FMN2: variants seen among roughly 807,000 people sequenced by gnomAD.
FMN2 encodes formin-2.
A neutral mutation model predicts 142.3 loss-of-function variants in FMN2; 51 were observed. The observed-to-expected ratio is 0.36, with a 90% CI of 0.29 to 0.45. The LOEUF (loss-of-function observed/expected upper bound fraction) is 0.45. Ranked by LOEUF, FMN2 falls within the 20% of genes least tolerant of loss-of-function variation. FMN2 has a pLI of 1.00. For missense variants in FMN2, 1,936 were observed against 2,122.8 expected (o/e 0.91, Z 1.73); for synonymous variants, 882 against 869.8 (o/e 1.01, Z -0.25).
At chr1:240,105,938 T>C (rs1336784392) in intron 1 of FMN2, among the ~76,000 whole-genome samples, 9 of 150,922 alleles carry the variant, frequency 6.0e-5, no homozygotes, top group Non-Finnish European at 1.3e-4. Context: ...GTGGCTTTCC[T>C]TTTAGCATTA....
At position 240,206,859 on chromosome 1, in the gene FMN2, A is replaced by G. The variant is rs1363473178; in HGVS notation, c.2047A>G (p.Ile683Val). The change falls in exon 5 of 18, where the codon ATT becomes GTT. Residue 683 changes from isoleucine (I) to valine (V), a missense_variant. This residue lies in a region of FMN2 where 478 missense variants were observed against 462.8 expected (regional missense o/e 1.03). Transcript: ENST00000319653. ...ATVIQQLEQT[I>V]EDLRTKIAEL... ...TGTAATTCAGCAGCTGGAACAGACTATTGAGGATCTGAGAACCAAAATAGC... is the reference window on the plus strand; with the variant it reads ...TGTAATTCAGCAGCTGGAACAGACTGTTGAGGATCTGAGAACCAAAATAGC... 5 of 1,614,184 alleles carry G rather than the reference A, an allele frequency of 3.1e-6. No individual in the cohort carries two copies. The highest frequency in any genetic ancestry group is 4.2e-6 in the Non-Finnish European group (5 of 1,180,008).
intron 6 of FMN2, among the ~76,000 whole-genome samples, chr1:240,251,160 G>A (rs550129262): frequency 1.3e-5 from 2 of 151,862 alleles, no homozygotes; most frequent in South Asian, 4.1e-4. Context: ...GATATACACT[G>A]TTAGATTGTT....
At chr1:240,217,607 T>A (rs1287942049) in intron 6 of FMN2, among the ~76,000 whole-genome samples, 2 of 152,140 alleles carry the variant, frequency 1.3e-5, no homozygotes, top group African/African-American at 4.8e-5. Flanking sequence ...AAACTATAAT[T>A]AGACAAGCAT....
intron 2 of FMN2, chr1:240,144,865 C>T (rs1426989276): frequency 9.8e-6 from 14 of 1,430,092 alleles, no homozygotes; most frequent in Admixed American, 3.4e-5. Context: ...CCAGCTCCTG[C>T]CACTCCTTAG....
At chr1:240,301,865 G>A (rs999018759) in intron 8 of FMN2, among the ~76,000 whole-genome samples, 16 of 151,702 alleles carry the variant, frequency 1.1e-4, no homozygotes, top group Non-Finnish European at 2.2e-4. Context: ...TTCTGATTGA[G>A]TTTGATGGAC....
chr1:240,154,018 G>A (rs561014508), intron 2 of FMN2, among the ~76,000 whole-genome samples: 63 of 146,624 alleles, frequency 4.3e-4, no homozygotes, highest in Middle Eastern at 3.5e-3. Context: ...CCGGAGGCAG[G>A]AGAATCTCTT....
At chr1:240,098,096 A>ATTTTTTTTTTTTTTTTT (rs1558293621) in intron 1 of FMN2, among the ~76,000 whole-genome samples, 48 of 81,220 alleles carry the variant, frequency 5.9e-4, no homozygotes, top group African/African-American at 3.4e-3. Flanking sequence ...GGTTATCTTG[A>ATTTTTTTTTTTTTTTTT]ATTTTTTTTT....
chr1:240,387,779 A>C, intron 14 of FMN2, among the ~76,000 whole-genome samples: 1 of 152,206 alleles, frequency 6.6e-6, no homozygotes, highest in South Asian at 2.1e-4. Flanking sequence ...TATTGCAAGC[A>C]ATGCATCTCC....
At chr1:240,312,522 T>C (rs1472990695) in intron 8 of FMN2, among the ~76,000 whole-genome samples, 1 of 152,204 alleles carries the variant, frequency 6.6e-6, no homozygotes, top group Non-Finnish European at 1.5e-5. Flanking sequence ...TTGTATCTCC[T>C]TGGCACATAG....
At chr1:240,465,087 A>ACC (rs755297051) in intron 16 of FMN2, among the ~76,000 whole-genome samples, 5 of 151,450 alleles carry the variant, frequency 3.3e-5, no homozygotes, top group African/African-American at 4.9e-5. Flanking sequence ...ATTTTAAGTC[A>ACC]CTGAGGTTAC....
At chr1:240,224,595 A>C (rs984469589) in intron 6 of FMN2, among the ~76,000 whole-genome samples, 2 of 152,132 alleles carry the variant, frequency 1.3e-5, no homozygotes, top group African/African-American at 2.4e-5. Flanking sequence ...GTGGGGTGTT[A>C]AAATCTCCCA....
At chr1:240,453,995 C>CAAAA (rs529425273) in intron 16 of FMN2, among the ~76,000 whole-genome samples, 1 of 7,498 alleles carries the variant, frequency 1.3e-4, no homozygotes, top group Non-Finnish European at 3.3e-4. Context: ...GACTCTGCCT[C>CAAAA]AAAAAAAAAA....
intron 1 of FMN2, among the ~76,000 whole-genome samples, chr1:240,107,525 GT>G (rs1661657959): frequency 6.6e-6 from 1 of 151,942 alleles, no homozygotes; most frequent in Non-Finnish European, 1.5e-5. Context: ...TCTTTCTATA[GT>G]TTTTCCCTTT....
intron 7 of FMN2, among the ~76,000 whole-genome samples, chr1:240,278,911 C>G (rs1298577741): frequency 3.9e-5 from 6 of 152,150 alleles, no homozygotes; most frequent in African/African-American, 1.4e-4. Context: ...CCTGGCCTGT[C>G]AAGCCAGTAG....
chr1:240,284,403 G>A (rs933594870), intron 7 of FMN2, among the ~76,000 whole-genome samples: 3 of 152,026 alleles, frequency 2.0e-5, no homozygotes, highest in African/African-American at 4.8e-5. Context: ...CCCTCATCTA[G>A]ACCCTGTGTT....
At chr1:240,325,984 T>G (rs1413520527) in intron 8 of FMN2, among the ~76,000 whole-genome samples, 2 of 152,040 alleles carry the variant, frequency 1.3e-5, no homozygotes, top group Non-Finnish European at 2.9e-5. Flanking sequence ...TATTGGTGAG[T>G]CAATGAAAAT....
At chr1:240,121,102 A>G (rs569072064) in intron 1 of FMN2, among the ~76,000 whole-genome samples, 1 of 152,184 alleles carries the variant, frequency 6.6e-6, no homozygotes, top group South Asian at 2.1e-4. Flanking sequence ...CGGAGGTTGC[A>G]GTGAGCCGAG....
intron 15 of FMN2, among the ~76,000 whole-genome samples, chr1:240,437,230 A>G (rs980536837): frequency 1.3e-5 from 2 of 149,148 alleles, no homozygotes; most frequent in African/African-American, 5.0e-5. Flanking sequence ...TGGCTGCCAT[A>G]TTGGTCTCTA....
intron 14 of FMN2, among the ~76,000 whole-genome samples, chr1:240,388,247 AAAAAAAAT>A (rs1673475628): frequency 6.7e-6 from 1 of 149,366 alleles, no homozygotes; most frequent in African/African-American, 2.4e-5. Flanking sequence ...AAAAAAAAAA[AAAAAAAAT>A]CATGAAACAA....
Sources: allele counts gnomAD v4.1 joint callset (sites outside exome capture counted in the v4.1 genomes callset), GRCh38; gene constraint gnomAD v4.1.1; regional missense constraint gnomAD v4.1.1; transcripts MANE v1.5; gene names NCBI Gene and HGNC (gene_info 2026-07-23, HGNC 2026-07-21).